CHST10: variants seen among roughly 807,000 people sequenced by gnomAD.
The protein encoded by CHST10 is carbohydrate sulfotransferase 10.
A neutral mutation model predicts 34.7 loss-of-function variants in CHST10; 24 were observed. The ratio of observed to expected loss-of-function variants is 0.69; its 90% CI spans 0.50 to 0.97. CHST10 has a LOEUF of 0.97. Among genes scored for constraint, CHST10 ranks in the 50% least tolerant of loss-of-function variants. CHST10 has a pLI of 0.00. For missense variants in CHST10, 402 were observed against 452.1 expected (o/e 0.89, Z 1.00); for synonymous variants, 161 against 169.3 (o/e 0.95, Z 0.38).
rs1437677266 is a variant in CHST10 at position 100,392,974 on chromosome 2, T to C, written c.*271A>G. 8.6e-6 allele frequency: 4 copies of C among 464,654 alleles called. No individual in the cohort carries two copies. The highest frequency in any genetic ancestry group is 7.6e-5 in the East Asian group (2 of 26,246). The allele number at this position is 464,654 out of a possible 1,614,324, so 28.8% of individuals were successfully genotyped here. A position where few individuals can be genotyped will look rare whatever the true frequency, so the allele number is the denominator to read the frequency against. On this transcript the variant is annotated 3_prime_UTR_variant, in exon 7 of 7. Transcript: ENST00000264249. ...GCTGGGCTGTCAAACTGCAAATCTT[T>C]AGCCTTTTCTCCCCTCTGAGGTGAG...
At chr2:100,400,734 A>G (rs1255646258) in intron 4 of CHST10, among the ~76,000 whole-genome samples, 1 of 152,192 alleles carries the variant, frequency 6.6e-6, no homozygotes, top group Non-Finnish European at 1.5e-5. Context: ...GCTGGAGTGC[A>G]ATGGCACGAT....
intron 2 of CHST10, among the ~76,000 whole-genome samples, chr2:100,414,488 C>A (rs532412567): frequency 1.3e-5 from 2 of 152,260 alleles, no homozygotes; most frequent in African/African-American, 4.8e-5. Flanking sequence ...ACCATCAACC[C>A]TGAGCACATT....
At chr2:100,397,422 C>T (rs568488142) in intron 5 of CHST10, among the ~76,000 whole-genome samples, 6 of 152,290 alleles carry the variant, frequency 3.9e-5, no homozygotes, top group Non-Finnish European at 7.4e-5. Flanking sequence ...TGGCACAGAA[C>T]GCTTGGTCTG....
At chr2:100,410,070 C>T (rs370416842) in intron 2 of CHST10, among the ~76,000 whole-genome samples, 1 of 152,218 alleles carries the variant, frequency 6.6e-6, no homozygotes, top group East Asian at 1.9e-4. Context: ...TTGAGAAGAG[C>T]ATTACACCCC....
At chr2:100,414,854 G>A (rs1235524134) in intron 2 of CHST10, among the ~76,000 whole-genome samples, 187 bp downstream of exon 2, 1 of 152,082 alleles carries the variant, frequency 6.6e-6, no homozygotes, top group Non-Finnish European at 1.5e-5. Flanking sequence ...GGTCTCAGCA[G>A]GTACTAACTC....
At chr2:100,401,207 C>T (rs1170184015) in intron 4 of CHST10, among the ~76,000 whole-genome samples, 1 of 152,130 alleles carries the variant, frequency 6.6e-6, no homozygotes, top group Non-Finnish European at 1.5e-5. Flanking sequence ...AAGCCCAGGC[C>T]CACAACTTGC....
chr2:100,404,843 C>CT (rs1432164894), intron 3 of CHST10, among the ~76,000 whole-genome samples: 1 of 152,208 alleles, frequency 6.6e-6, no homozygotes, highest in African/African-American at 2.4e-5. Flanking sequence ...CATGACCTGC[C>CT]TTTTGAGTGC....
chr2:100,416,792 T>C (rs1676086108), intron 1 of CHST10: 6 of 395,440 alleles, frequency 1.5e-5, no homozygotes, highest in South Asian at 1.2e-4. Flanking sequence ...TGCCCAACCC[T>C]TTCCTGCCTT....
chr2:100,395,498 G>GAA lies in CHST10; in HGVS notation c.533+10_533+11insTT. The GAA allele has an allele frequency of 6.2e-7, 1 of 1,609,040 alleles. No individual in the cohort carries two copies. The highest frequency in any genetic ancestry group is 8.5e-7 in the Non-Finnish European group (1 of 1,175,844). On this transcript the variant is annotated intron_variant, in intron 6 of 6. Coordinates refer to ENST00000264249, the MANE Select transcript of CHST10 (RefSeq NM_004854.5). ...AAACTCCCCCCTCCCCTTTGAGGAA[G>GAA]CTGTTCTCACCGCTTCTGAATTTCT...
intron 2 of CHST10, among the ~76,000 whole-genome samples, chr2:100,411,530 A>T (rs1469212149): frequency 6.6e-6 from 1 of 152,206 alleles, no homozygotes; most frequent in Non-Finnish European, 1.5e-5. Context: ...CTCAGGTCCA[A>T]TATCTCTACA....
intron 4 of CHST10, among the ~76,000 whole-genome samples, chr2:100,400,125 C>A (rs958286260): frequency 5.3e-5 from 8 of 152,346 alleles, no homozygotes; most frequent in African/African-American, 1.9e-4. Flanking sequence ...GAGAGAGCAC[C>A]TCCCAACAAG....
chr2:100,392,212 A>G lies in CHST10; in HGVS notation c.*1033T>C, dbSNP rs1010116941. The G allele has an allele frequency of 6.6e-6, 1 of 152,650 alleles. No individual in the cohort carries two copies. Among genetic ancestry groups the G allele is most frequent in the African/African-American group, 2.4e-5 (1 of 41,444 alleles). The allele number at this position is 152,650 out of a possible 1,614,324, so 9.5% of individuals were successfully genotyped here. A position where few individuals can be genotyped will look rare whatever the true frequency, so the allele number is the denominator to read the frequency against. ...GTCCAGGATGGTGGTGTGATCAGAAATGGCTCTGGCAGTGCCCATTTTGCT... is the reference window on the plus strand; with the variant it reads ...GTCCAGGATGGTGGTGTGATCAGAAGTGGCTCTGGCAGTGCCCATTTTGCT... On this transcript the variant is annotated 3_prime_UTR_variant, in exon 7 of 7. Coordinates refer to ENST00000264249, the MANE Select transcript of CHST10 (RefSeq NM_004854.5).
chr2:100,400,969 C>A (rs1461827233), intron 4 of CHST10, among the ~76,000 whole-genome samples: 1 of 152,230 alleles, frequency 6.6e-6, no homozygotes, highest in Non-Finnish European at 1.5e-5. Context: ...GAGTGAGGCA[C>A]CGCACCTGGC....
chr2:100,411,252 G>A (rs966160555), intron 2 of CHST10, among the ~76,000 whole-genome samples: 6 of 151,718 alleles, frequency 4.0e-5, no homozygotes, highest in Non-Finnish European at 8.8e-5. Flanking sequence ...GAGTGGCTGT[G>A]ATTACAGGCA....
intron 2 of CHST10, among the ~76,000 whole-genome samples, chr2:100,409,195 A>G (rs1292681310): frequency 6.6e-6 from 1 of 152,198 alleles, no homozygotes; most frequent in Non-Finnish European, 1.5e-5. Context: ...GCCTCAGGAC[A>G]GCACTTTGGA....
In CHST10 at chr2:100,393,661, G is replaced by A. The variant is rs1674907541; in HGVS notation, c.655C>T (p.Pro219Ser). 1.9e-6 allele frequency: 3 copies of A among 1,613,994 alleles called. No individual in the cohort carries two copies. The highest frequency in any genetic ancestry group is 1.1e-5 in the South Asian group (1 of 91,076). ...FEPWYRHEIA[P>S]GIIRKYRRNR... ...CTCCTGTATTTTCTGATGATGCCAG[G>A]AGCAATCTCATGCCTGTACCAAGGC... The change falls in exon 7 of 7, where the codon CCT (proline) becomes TCT (serine). Residue 219 changes from proline (P) to serine (S), a missense_variant. By Grantham distance (74) the Pro-to-Ser change is moderately conservative (BLOSUM62 -1). Coordinates refer to ENST00000264249, the MANE Select transcript of CHST10 (RefSeq NM_004854.5).
chr2:100,414,333 T>G (rs1675973529), intron 2 of CHST10, among the ~76,000 whole-genome samples: 1 of 151,670 alleles, frequency 6.6e-6, no homozygotes. Context: ...GCTCAACTTT[T>G]AAAACACAGC....
At chr2:100,408,915 GA>G (rs975224389) in intron 2 of CHST10, among the ~76,000 whole-genome samples, 2 of 151,386 alleles carry the variant, frequency 1.3e-5, no homozygotes, top group Admixed American at 1.3e-4. Context: ...GTGGGTTGGG[GA>G]GGGAGTAAAA....
At chr2:100,393,857 A>C in intron 6 of CHST10, 75 bp from the exon 7 acceptor site, 2 of 1,240,408 alleles carry the variant, frequency 1.6e-6, no homozygotes, top group East Asian at 4.7e-5. Context: ...AGAGGGAAGA[A>C]TGAGCGGAGT....
Sources: gnomAD v4.1 joint callset for allele counts (sites outside exome capture counted in the v4.1 genomes callset) on GRCh38, gnomAD v4.1.1 for gene constraint, MANE v1.5 for transcripts, NCBI Gene and HGNC (gene_info 2026-07-23, HGNC 2026-07-21) for gene names.